The following LDLRAD4 variants were observed in gnomAD, a reference collection of about 807,000 sequenced individuals.
LDLRAD4 encodes the protein low-density lipoprotein receptor class A domain-containing protein 4.
Under a neutral mutation model 17.0 loss-of-function variants are expected in LDLRAD4, and 5 were observed. The ratio of observed to expected loss-of-function variants is 0.29; its 90% CI spans 0.15 to 0.62. The LOEUF is 0.62. Among genes scored for constraint, LDLRAD4 ranks in the 20% least tolerant of loss-of-function variants. The pLI is 0.84. For synonymous variants in LDLRAD4, 168 were observed against 171.8 expected (o/e 0.98, Z 0.17); for missense variants, 340 against 424.7 (o/e 0.80, Z 1.75).
At chr18:13,423,899 C>T (rs1020059968) in intron 2 of LDLRAD4, among the ~76,000 whole-genome samples, 8 of 152,140 alleles carry the variant, frequency 5.3e-5, no homozygotes, top group East Asian at 1.9e-4. Context: ...CTTTGGGAGA[C>T]GAAGGCAGGT....
In LDLRAD4 at chr18:13,621,133, C is replaced by G; in HGVS notation, c.198C>G (p.Ala66=). 1 of 1,614,166 alleles carries G rather than the reference C, an allele frequency of 6.2e-7. No individual in the cohort carries two copies. The highest frequency in any genetic ancestry group is 8.5e-7 in the Non-Finnish European group (1 of 1,180,034). ...CCATGGCAGCGGAGCTGGAGTTCGC[C>G]CAAATCATCATCATCGTCGTGGTGG... Residue 66 remains alanine (A), a synonymous_variant, in exon 4 of 6, where the codon GCC becomes GCG. Coordinates refer to ENST00000359446, the Ensembl canonical transcript of LDLRAD4. The surrounding 1 kb of genome is among the most constrained non-coding windows in gnomAD (Gnocchi z 5.5).
At chr18:13,375,347 T>G (rs1262214078) in intron 1 of LDLRAD4, among the ~76,000 whole-genome samples, 2 of 152,256 alleles carry the variant, frequency 1.3e-5, no homozygotes, top group Non-Finnish European at 2.9e-5. Flanking sequence ...AATGCCATCT[T>G]TAGTTATTAT....
At chr18:13,251,297 T>C (rs954832048) in intron 1 of LDLRAD4, among the ~76,000 whole-genome samples, 4 of 152,206 alleles carry the variant, frequency 2.6e-5, no homozygotes, top group African/African-American at 9.7e-5. Context: ...AGCTGAATAC[T>C]TTTCCTTTAA....
At chr18:13,382,842 A>G (rs187732473) in intron 1 of LDLRAD4, 31 of 152,324 alleles carry the variant, frequency 2.0e-4, no homozygotes, top group African/African-American at 6.3e-4. Flanking sequence ...CTTCAGGGCA[A>G]GAGGCCCAGG....
chr18:13,606,043 G>T (rs2095220682), intron 3 of LDLRAD4, among the ~76,000 whole-genome samples: 1 of 152,132 alleles, frequency 6.6e-6, no homozygotes, highest in Non-Finnish European at 1.5e-5. Context: ...GCGAGGGTTG[G>T]ATGCGTTATT....
intron 1 of LDLRAD4, among the ~76,000 whole-genome samples, chr18:13,317,018 C>T (rs974113095): frequency 2.6e-5 from 4 of 152,026 alleles, no homozygotes; most frequent in Non-Finnish European, 4.4e-5. Flanking sequence ...TTGCTGCTTA[C>T]GATAGACGTG....
At chr18:13,375,702 G>A (rs537710808) in intron 1 of LDLRAD4, among the ~76,000 whole-genome samples, 1 of 152,116 alleles carries the variant, frequency 6.6e-6, no homozygotes, top group Admixed American at 6.5e-5. Context: ...GAGTTTACTG[G>A]GGCAATCATG....
chr18:13,472,601 C>G (rs924286985), intron 3 of LDLRAD4: 2 of 152,238 alleles, frequency 1.3e-5, no homozygotes, highest in African/African-American at 4.8e-5. Context: ...TTCACCCACC[C>G]ACTCCCATCC....
At chr18:13,270,320 G>A (rs1004319679) in intron 1 of LDLRAD4, among the ~76,000 whole-genome samples, 1 of 151,914 alleles carries the variant, frequency 6.6e-6, no homozygotes, top group Non-Finnish European at 1.5e-5. Context: ...AGCTGTGATG[G>A]CTTCACTGTA....
intron 3 of LDLRAD4, among the ~76,000 whole-genome samples, chr18:13,576,312 C>T (rs9947779): frequency 0.022 from 3,255 of 151,200 alleles, 122 homozygotes; most frequent in African/African-American, 0.074. Flanking sequence ...GTCCCAGCTA[C>T]TTGGGAGGCT....
intron 1 of LDLRAD4, among the ~76,000 whole-genome samples, chr18:13,247,773 C>T (rs894752670): frequency 3.3e-5 from 5 of 152,192 alleles, no homozygotes; most frequent in South Asian, 2.1e-4. Flanking sequence ...CTACTGTAAG[C>T]GCCTGTGCTT....
rs188893081 is a variant in LDLRAD4, at chr18:13,592,296, C to T, written c.182-28821C>T. ...TATAAATACACACGTATTGTAATGA[C>T]AACAAAAATGTCTCACAATACCTAT... On this transcript the variant is annotated intron_variant, in intron 3 of 5. Coordinates refer to ENST00000359446, the Ensembl canonical transcript of LDLRAD4. Among the ~76,000 whole-genome samples the T allele has an allele frequency of 5.3e-5, 8 of 152,318 alleles. No individual in the cohort carries two copies. The East Asian group carries it at 1.5e-3, about 29-fold the overall frequency.
intron 1 of LDLRAD4, among the ~76,000 whole-genome samples, chr18:13,370,716 T>TTTTTTTTTTTTG (rs2084420500): frequency 1.1e-4 from 1 of 8,842 alleles, no homozygotes; most frequent in Non-Finnish European, 1.2e-3. Flanking sequence ...TTGTTTTGTT[T>TTTTTTTTTTTTG]TTTTTTTTTT....
chr18:13,510,465 A>G (rs1390255778), intron 3 of LDLRAD4, among the ~76,000 whole-genome samples: 1 of 151,900 alleles, frequency 6.6e-6, no homozygotes, highest in East Asian at 1.9e-4. Context: ...AGTTCCAAAG[A>G]GAGGCATAAA....
At chr18:13,643,503 G>A (rs2042803013) in intron 5 of LDLRAD4, 91 bp downstream of exon 6, 1 of 691,556 alleles carries the variant, frequency 1.4e-6, no homozygotes, top group Non-Finnish European at 2.1e-6. Context: ...GGTGGAAGGG[G>A]AGGGGCCTCA....
chr18:13,321,244 C>A (rs2081202985), intron 1 of LDLRAD4, among the ~76,000 whole-genome samples: 2 of 152,216 alleles, frequency 1.3e-5, no homozygotes, highest in Non-Finnish European at 2.9e-5. Context: ...GCATCTCCCC[C>A]AGAGGCCTAT....
chr18:13,466,330 G>A (rs1017454576), intron 3 of LDLRAD4, among the ~76,000 whole-genome samples: 2 of 151,922 alleles, frequency 1.3e-5, no homozygotes, highest in East Asian at 3.9e-4. Flanking sequence ...ATTAGCTGGG[G>A]GTGGTGGCGG....
At chr18:13,397,375 C>G (rs997345628) in intron 2 of LDLRAD4, among the ~76,000 whole-genome samples, 1 of 152,174 alleles carries the variant, frequency 6.6e-6, no homozygotes, top group Non-Finnish European at 1.5e-5. Flanking sequence ...TATCTCCTGA[C>G]CTCGTGATCC....
At chr18:13,568,293 A>C (rs1601443168) in intron 3 of LDLRAD4, among the ~76,000 whole-genome samples, 1 of 149,290 alleles carries the variant, frequency 6.7e-6, no homozygotes. Context: ...GACTCCGTTT[A>C]CAAAAAAAAA....
Sources: gnomAD v4.1 joint callset for allele counts (sites outside exome capture counted in the v4.1 genomes callset) on GRCh38, gnomAD v4.1.1 for gene constraint, Gnocchi (gnomAD v3.1) non-coding constraint, MANE v1.5 for transcripts, NCBI Gene and HGNC (gene_info 2026-07-23, HGNC 2026-07-21) for gene names.